TMCO2: variants seen among roughly 807,000 people sequenced by gnomAD.
TMCO2 encodes transmembrane and coiled-coil domains 2, also known as transmembrane and coiled-coil domain-containing protein 2.
A neutral mutation model predicts 18.0 loss-of-function variants in TMCO2; 15 were observed. The observed-to-expected ratio is 0.84, with a 90% CI of 0.56 to 1.29. TMCO2 has a LOEUF of 1.29. Ranked by LOEUF, TMCO2 falls within the 50% of genes most tolerant of loss-of-function variation. TMCO2 has a pLI of 0.00. For synonymous variants in TMCO2, 79 were observed against 75.9 expected, an observed-to-expected ratio of 1.04 and a Z score of -0.21; for missense variants, 182 against 200.9, an observed-to-expected ratio of 0.91 and a Z score of 0.57.
At position 40,251,454 on chromosome 1, in the gene TMCO2, G is replaced by A. The variant is rs1408217001; in HGVS notation, c.409G>A (p.Glu137Lys). The part of the protein sequence containing the change: ...EKILKKLKTV[E>K]NKMKNLEGII... ...AATTTTGAAAAAACTTAAGACAGTG[G>A]AAAACAAAATGAAGAACCTAGAAGG... Residue 137 changes from glutamate (E) to lysine (K), a missense_variant, in exon 2 of 2, where the codon GAA (glutamate) becomes AAA (lysine). Coordinates refer to ENST00000372766, the MANE Select transcript of TMCO2 (RefSeq NM_001008740.4). 6.2e-7 allele frequency: 1 copy of A among 1,613,520 alleles called. No homozygotes were observed. The highest frequency in any genetic ancestry group is 8.5e-7 in the Non-Finnish European group (1 of 1,179,906).
intron 1 of TMCO2, among the ~76,000 whole-genome samples, chr1:40,250,941 TC>T (rs1404330133): frequency 6.6e-6 from 1 of 152,080 alleles, no homozygotes; most frequent in Admixed American, 6.6e-5. Context: ...ATTGAGAACA[TC>T]CTGGCTAACA....
Position 40,249,114 on chromosome 1 carries a change from T to C in TMCO2, c.237+884T>C, listed in dbSNP as rs550541084. 5.9e-5 allele frequency among the ~76,000 whole-genome samples: 9 copies of C among 152,284 alleles called. No homozygotes were observed. The South Asian group carries it at 1.9e-3, about 32-fold the overall frequency. On this transcript the variant is annotated intron_variant, in intron 1 of 1. Coordinates refer to ENST00000372766, the MANE Select transcript of TMCO2 (RefSeq NM_001008740.4). The stretch of plus-strand genomic sequence containing the variant: ...TGCTCCATTTTGTAGATGAGAGAAC[T>C]TGATTGCTACCCACCCAAGTTCACA...
At chr1:40,249,255 ATGTGTGTGTGTGTGTG>A (rs3075101) in intron 1 of TMCO2, among the ~76,000 whole-genome samples, 3,390 of 139,930 alleles carry the variant, frequency 0.024, 135 homozygotes, top group African/African-American at 0.085. Flanking sequence ...TTGAACAGGA[ATGTGTGTGTGTGTGTG>A]TGTGTGTGTG....
chr1:40,248,318 T>A, intron 1 of TMCO2, 88 bp downstream of exon 1: 1 of 1,174,130 alleles, frequency 8.5e-7, no homozygotes, highest in Non-Finnish European at 1.2e-6. Flanking sequence ...AGTTTTAAGA[T>A]CATGCAGATG....
At position 40,248,215 on chromosome 1, in the gene TMCO2, T is replaced by A; in HGVS notation, c.222T>A (p.Ser74Arg). ...GIGIYALWKR[S>R]IQSIQKTLLF... ...GAATATATGCCTTATGGAAACGAAGTATTCAGTCAATTCAGGTTATACTCT... is the reference window on the plus strand; with the variant it reads ...GAATATATGCCTTATGGAAACGAAGAATTCAGTCAATTCAGGTTATACTCT... The change falls in exon 1 of 2, where the codon AGT (serine) becomes AGA (arginine). Residue 74 changes from serine (S) to arginine (R), a missense_variant. Transcript: ENST00000372766. The A allele has an allele frequency of 6.8e-6, 11 of 1,612,016 alleles. No individual in the cohort carries two copies. Among genetic ancestry groups the A allele is most frequent in the Non-Finnish European group, 8.5e-6 (10 of 1,178,200 alleles).
chr1:40,249,306 C>T (rs970675714), intron 1 of TMCO2, among the ~76,000 whole-genome samples: 31 of 131,622 alleles, frequency 2.4e-4, no homozygotes, highest in African/African-American at 6.1e-4. Context: ...TGTGTGTACG[C>T]GCATGCGCAT....
intron 1 of TMCO2, among the ~76,000 whole-genome samples, chr1:40,250,491 C>T (rs1643373287): frequency 1.3e-5 from 2 of 151,916 alleles, no homozygotes; most frequent in East Asian, 3.9e-4. Context: ...GCCATTGTAC[C>T]CAGATCTCTC....
chr1:40,250,537 A>T lies in TMCO2; in HGVS notation c.238-746A>T, dbSNP rs1160948513. Among the ~76,000 whole-genome samples, 6 of 152,170 alleles carry T rather than the reference A, an allele frequency of 3.9e-5. No individual in the cohort carries two copies. The East Asian group carries it at 1.2e-3, about 29-fold the overall frequency. On this transcript the variant is annotated intron_variant, in intron 1 of 1. Coordinates refer to ENST00000372766, the MANE Select transcript of TMCO2 (RefSeq NM_001008740.4). ...TTAAAAACCTTTTCCATGACCAAGA[A>T]ATCCAGTTTTTCAGACTACTATGTC...
rs1365186774 is a variant in TMCO2, at chr1:40,251,313, A to G, written c.268A>G (p.Lys90Glu). Residue 90 changes from lysine to glutamate, a missense_variant, in exon 2 of 2, where the codon AAA (lysine) becomes GAA (glutamate). Coordinates refer to ENST00000372766, the MANE Select transcript of TMCO2 (RefSeq NM_001008740.4). Reference protein sequence around the residue: ...KTLLFVITLYKLYKKGSHIFE... With the variant: ...KTLLFVITLYELYKKGSHIFE... ...ATTGTTGTTTGTAATCACACTCTAC[A>G]AACTTTACAAGAAGGGCTCACATAT... 1.9e-6 allele frequency: 3 copies of G among 1,612,908 alleles called. No homozygotes were observed. The highest frequency in any genetic ancestry group is 2.2e-5 in the South Asian group (2 of 90,528).
intron 1 of TMCO2, among the ~76,000 whole-genome samples, chr1:40,250,154 G>C (rs928083973): frequency 1.3e-5 from 2 of 151,220 alleles, no homozygotes; most frequent in African/African-American, 2.4e-5. Flanking sequence ...GCACCACCAG[G>C]CTTGGCTAAT....
In TMCO2 at chr1:40,251,511, A is replaced by G. The variant is rs776200825; in HGVS notation, c.466A>G (p.Arg156Gly). 6.2e-7 allele frequency: 1 copy of G among 1,613,912 alleles called. No individual in the cohort carries two copies. Among genetic ancestry groups the G allele is most frequent in the Non-Finnish European group, 8.5e-7 (1 of 1,180,012 alleles). The part of the protein sequence containing the change: ...IIVAQKPATK[R>G]DCSSEPYCSC... ...CGTTGCTCAAAAACCTGCCACGAAG[A>G]GGGATTGCTCCTCTGAGCCCTACTG... Residue 156 changes from arginine (R) to glycine (G), a missense_variant, in exon 2 of 2, where the codon AGG becomes GGG. Transcript: ENST00000372766.
chr1:40,247,965 T>C lies in TMCO2; in HGVS notation c.-29T>C. The C allele has an allele frequency of 1.3e-6, 2 of 1,565,278 alleles. No homozygotes were observed. Among genetic ancestry groups the C allele is most frequent in the Non-Finnish European group, 1.8e-6 (2 of 1,136,108 alleles). On this transcript the variant is annotated 5_prime_UTR_variant, in exon 1 of 2. It removes an upstream start codon present in the reference 5' UTR. Coordinates refer to ENST00000372766, the MANE Select transcript of TMCO2 (RefSeq NM_001008740.4). ...TTTAGATTCCTGAAGCTTCTGCACATGTAGTTCCTAGAGCTGCTGCTTATT... is the reference window on the plus strand; with the variant it reads ...TTTAGATTCCTGAAGCTTCTGCACACGTAGTTCCTAGAGCTGCTGCTTATT...
intron 1 of TMCO2, among the ~76,000 whole-genome samples, chr1:40,248,574 T>C (rs1643356598): frequency 6.6e-6 from 1 of 152,208 alleles, no homozygotes; most frequent in South Asian, 2.1e-4. Flanking sequence ...GCTAGGATCA[T>C]GAGTATGGCC....
intron 1 of TMCO2, among the ~76,000 whole-genome samples, chr1:40,249,397 G>A (rs1482299682): frequency 6.6e-6 from 1 of 151,750 alleles, no homozygotes; most frequent in Non-Finnish European, 1.5e-5. Flanking sequence ...GTGCTACAGT[G>A]AAACCCCATC....
chr1:40,251,642 G>A lies in TMCO2; in HGVS notation c.*48G>A, dbSNP rs201190903. ...TCCAGGAAAGCACTGTTTCCCTCAT[G>A]TGTGCAGTGGTGTATCAATAAAGAT... On this transcript the variant is annotated 3_prime_UTR_variant, in exon 2 of 2. Transcript: ENST00000372766. 655 of 1,547,328 alleles carry A rather than the reference G, an allele frequency of 4.2e-4. 2 individuals are homozygous for A. The African/African-American group carries it at 8.2e-3, about 19-fold the overall frequency.
Position 40,248,788 on chromosome 1 carries a change from C to G in TMCO2, c.237+558C>G, listed in dbSNP as rs555674300. On this transcript the variant is annotated intron_variant, in intron 1 of 1. Transcript: ENST00000372766. The stretch of plus-strand genomic sequence containing the variant: ...GTCACCAATAATAATAGTTGACATA[C>G]AATATAGTTGAATGCTTTGAGAATC... Among the ~76,000 whole-genome samples, 122 of 152,194 alleles carry G rather than the reference C, an allele frequency of 8.0e-4. 1 individual carries two copies. Among genetic ancestry groups the G allele is most frequent in the African/African-American group, 2.8e-3 (116 of 41,524 alleles).
intron 1 of TMCO2, 146 bp from the exon 2 acceptor site, chr1:40,251,136 CA>C (rs59384076): frequency 0.085 from 35,016 of 411,440 alleles, no homozygotes; most frequent in Middle Eastern, 0.12. Context: ...AACTCCATCT[CA>C]AAAAAAAAAA....
At chr1:40,250,097 G>C (rs886574666) in intron 1 of TMCO2, among the ~76,000 whole-genome samples, 1 of 151,526 alleles carries the variant, frequency 6.6e-6, no homozygotes, top group Non-Finnish European at 1.5e-5. Context: ...CCTGATCTCA[G>C]GTGATCCTCC....
Position 40,247,962 on chromosome 1 carries a change from A to G in TMCO2, c.-32A>G, listed in dbSNP as rs1293866603. 1 of 1,552,484 alleles carries G rather than the reference A, an allele frequency of 6.4e-7. No individual in the cohort carries two copies. The highest frequency in any genetic ancestry group is 1.4e-5 in the African/African-American group (1 of 73,552). ...ATATTTAGATTCCTGAAGCTTCTGC[A>G]CATGTAGTTCCTAGAGCTGCTGCTT... is the stretch of plus-strand genomic sequence containing the variant. On this transcript the variant is annotated 5_prime_UTR_variant, in exon 1 of 2. Transcript: ENST00000372766.
Sources: gnomAD v4.1 joint callset for allele counts (sites outside exome capture counted in the v4.1 genomes callset) on GRCh38, gnomAD v4.1.1 for gene constraint, MANE v1.5 for transcripts, NCBI Gene and HGNC (gene_info 2026-07-23, HGNC 2026-07-21) for gene names.